CAB39L: variants seen among roughly 807,000 people sequenced by gnomAD.
CAB39L encodes the protein calcium binding protein 39 like.
Under a neutral mutation model 39.1 loss-of-function variants are expected in CAB39L, and 23 were observed. The observed-to-expected ratio is 0.59, with a 90% CI of 0.42 to 0.83. The LOEUF is 0.83. CAB39L is among the 40% of genes least tolerant of loss of function. The pLI, the probability that CAB39L is intolerant of heterozygous loss-of-function variation, is 0.00. For synonymous variants in CAB39L, 126 were observed against 137.2 expected (o/e 0.92, Z 0.57); for missense variants, 366 against 391.9 (o/e 0.93, Z 0.56).
chr13:49,340,462 G>A (rs756277217), intron 8 of CAB39L, among the ~76,000 whole-genome samples: 11 of 152,198 alleles, frequency 7.2e-5, no homozygotes, highest in South Asian at 2.1e-4. Flanking sequence ...CCTAGCCCTC[G>A]GAGAGTCAAG....
chr13:49,352,397 A>G (rs1340593467), intron 6 of CAB39L, among the ~76,000 whole-genome samples: 1 of 152,106 alleles, frequency 6.6e-6, no homozygotes, highest in Non-Finnish European at 1.5e-5. Flanking sequence ...TAGGAAGAAT[A>G]GAACAAAGAA....
chr13:49,377,253 C>T (rs8001903), intron 4 of CAB39L, 122 bp from the exon 5 acceptor site: 292,353 of 650,782 alleles, frequency 0.45, 71,905 homozygotes, highest in African/African-American at 0.72. Flanking sequence ...TAATGAATGG[C>T]ACAGTTACAA....
intron 5 of CAB39L, among the ~76,000 whole-genome samples, chr13:49,363,617 C>T (rs942904250): frequency 6.6e-6 from 1 of 151,652 alleles, no homozygotes; most frequent in Non-Finnish European, 1.5e-5. Context: ...AACCAGAAAA[C>T]AAATAACAAA....
At chr13:49,409,388 G>A (rs889192023) in intron 3 of CAB39L, among the ~76,000 whole-genome samples, 7 of 151,322 alleles carry the variant, frequency 4.6e-5, no homozygotes, top group Non-Finnish European at 1.0e-4. Context: ...GTTTCCAAGT[G>A]TTGGATATAA....
chr13:49,346,120 T>TATATATATATATATATATATATATATC (rs10663110), intron 7 of CAB39L, among the ~76,000 whole-genome samples: 900 of 88,340 alleles, frequency 0.01, 90 homozygotes, highest in Middle Eastern at 0.013. Flanking sequence ...TATATATATA[T>TATATATATATATATATATATATATATC]ATATCATGGA....
intron 3 of CAB39L, among the ~76,000 whole-genome samples, chr13:49,398,012 A>T (rs1956678993): frequency 6.6e-6 from 1 of 152,148 alleles, no homozygotes; most frequent in Non-Finnish European, 1.5e-5. Flanking sequence ...ACTATTTCAT[A>T]GCTTCAGTAA....
chr13:49,387,102 C>G (rs908157226), intron 3 of CAB39L, among the ~76,000 whole-genome samples: 1 of 152,166 alleles, frequency 6.6e-6, no homozygotes, highest in East Asian at 1.9e-4. Context: ...TTAATCACCC[C>G]CTTCTAGGTG....
chr13:49,395,872 G>C (rs1956607235), intron 3 of CAB39L, among the ~76,000 whole-genome samples: 1 of 151,980 alleles, frequency 6.6e-6, no homozygotes, highest in Non-Finnish European at 1.5e-5. Flanking sequence ...GGGAAGAGGG[G>C]AATAGCCACT....
At chr13:49,404,444 G>GAAA (rs76373709) in intron 3 of CAB39L, among the ~76,000 whole-genome samples, 1 of 136,284 alleles carries the variant, frequency 7.3e-6, no homozygotes, top group Non-Finnish European at 1.6e-5. Context: ...GAGAGGTCTG[G>GAAA]AAAAAAAAAA....
intron 7 of CAB39L, among the ~76,000 whole-genome samples, chr13:49,350,054 G>A (rs367836663): frequency 6.6e-6 from 1 of 152,082 alleles, no homozygotes; most frequent in Non-Finnish European, 1.5e-5. Flanking sequence ...AGGAAATGGG[G>A]AGTTATTATT....
intron 3 of CAB39L, among the ~76,000 whole-genome samples, chr13:49,387,389 A>C (rs1956389364): frequency 6.6e-6 from 1 of 152,216 alleles, no homozygotes; most frequent in Non-Finnish European, 1.5e-5. Flanking sequence ...TCAGCAAAGC[A>C]GGCAGTGGGG....
intron 5 of CAB39L, among the ~76,000 whole-genome samples, chr13:49,369,432 G>T (rs1251818367): frequency 6.6e-6 from 1 of 152,160 alleles, no homozygotes; most frequent in Non-Finnish European, 1.5e-5. Flanking sequence ...AATCTCAAAT[G>T]CGTTATGCTG....
rs182899668 is a variant in CAB39L, at chr13:49,438,474, C to T, written c.-245-4251G>A. Among the ~76,000 whole-genome samples the T allele has an allele frequency of 5.3e-5, 8 of 152,190 alleles. 1 individual carries two copies. The South Asian group carries it at 6.2e-4, about 12-fold the overall frequency. ...TGTCTGAAATTTGTTCTCTAGTATA[C>T]GCTTCAGAAGGATTCATGGGAACAA... is the stretch of plus-strand genomic sequence containing the variant. On this transcript the variant is annotated intron_variant, in intron 1 of 10. Transcript: ENST00000409308.
At chr13:49,355,887 G>T (rs1226934891) in intron 6 of CAB39L, among the ~76,000 whole-genome samples, 1 of 152,052 alleles carries the variant, frequency 6.6e-6, no homozygotes, top group Non-Finnish European at 1.5e-5. Context: ...ATAATTAAAA[G>T]AAAAGAATTG....
intron 3 of CAB39L, among the ~76,000 whole-genome samples, chr13:49,405,715 G>GGA (rs1566122139): frequency 1.4e-4 from 6 of 44,336 alleles, no homozygotes; most frequent in African/African-American, 4.2e-4. Flanking sequence ...GAAAGAAAGA[G>GGA]AGAGAGGAAG....
chr13:49,367,222 A>G (rs551253059), intron 5 of CAB39L, among the ~76,000 whole-genome samples: 2 of 152,290 alleles, frequency 1.3e-5, no homozygotes, highest in South Asian at 4.1e-4. Context: ...ATGAAGACAC[A>G]TTTTACCAAA....
At chr13:49,381,433 G>T (rs1051176312) in intron 4 of CAB39L, among the ~76,000 whole-genome samples, 1 of 152,048 alleles carries the variant, frequency 6.6e-6, no homozygotes, top group Non-Finnish European at 1.5e-5. Context: ...CAAGAAACAG[G>T]ACATTTTCAG....
At chr13:49,421,606 T>C (rs896243092) in intron 3 of CAB39L, among the ~76,000 whole-genome samples, 1 of 151,930 alleles carries the variant, frequency 6.6e-6, no homozygotes, top group Non-Finnish European at 1.5e-5. Flanking sequence ...CACCACCACT[T>C]AGCAGTACCA....
rs1957164918 is a variant in CAB39L, at chr13:49,421,077, C to T, written c.-32+12241G>A. Among the ~76,000 whole-genome samples, 3 of 152,078 alleles carry T rather than the reference C, an allele frequency of 2.0e-5. No individual in the cohort carries two copies. In the South Asian group the frequency reaches 6.2e-4, roughly 32 times the overall value. On this transcript the variant is annotated intron_variant, in intron 3 of 10. Transcript: ENST00000409308. ...CAAACTGGCTAGGGACCTCAGGACCCAGGAGAAAACATGGTAATGATATCC... is the reference window on the plus strand; with the variant it reads ...CAAACTGGCTAGGGACCTCAGGACCTAGGAGAAAACATGGTAATGATATCC...
Sources: allele counts gnomAD v4.1 joint callset (sites outside exome capture counted in the v4.1 genomes callset), GRCh38; gene constraint gnomAD v4.1.1; transcripts MANE v1.5; gene names NCBI Gene and HGNC (gene_info 2026-07-23, HGNC 2026-07-21).